Variants in LCT observed in about 807,000 individuals in gnomAD.
LCT encodes lactase, also known as lactase/phlorizin hydrolase.
LCT carries 90 observed loss-of-function variants against 173.0 expected under a neutral mutation model. The ratio of observed to expected loss-of-function variants is 0.52; its 90% CI spans 0.44 to 0.62. The LOEUF (loss-of-function observed/expected upper bound fraction) is 0.62. Ranked by LOEUF, LCT falls within the 20% of genes least tolerant of loss-of-function variation. The pLI, the probability that LCT is intolerant of heterozygous loss-of-function variation, is 0.00. For missense variants in LCT, 1,864 were observed against 2,431.4 expected, an observed-to-expected ratio of 0.77 and a Z score of 4.91; for synonymous variants, 853 against 957.6, an observed-to-expected ratio of 0.89 and a Z score of 2.02.
rs754021855 is a variant in LCT, at chr2:135,837,045, T to C, written c.125A>G (p.Asn42Ser). 3 of 1,614,094 alleles carry C rather than the reference T, an allele frequency of 1.9e-6. No individual in the cohort carries two copies. In the East Asian group the frequency reaches 6.7e-5, roughly 36 times the overall value. ...AGPLTNDLLH[N>S]LSGLLGDQSS... ...CTGGTCTCCCAGGAGACCACTCAGG[T>C]TGTGCAGCAAGTCATTGGTTAGAGG... is the stretch of plus-strand genomic sequence containing the variant. Residue 42 changes from asparagine (N) to serine (S), a missense_variant, in exon 1 of 17, where the codon AAC becomes AGC. This residue lies in a region of LCT where 412 missense variants were observed against 462.0 expected (regional missense o/e 0.89). Coordinates refer to ENST00000264162, the MANE Select transcript of LCT (RefSeq NM_002299.4).
chr2:135,795,106 T>C (rs2077572085), intron 13 of LCT, among the ~76,000 whole-genome samples: 2 of 152,154 alleles, frequency 1.3e-5, no homozygotes, highest in African/African-American at 2.4e-5. Context: ...AAACAACATA[T>C]GCAAATTCTG....
In LCT at chr2:135,834,787, CAAAAAAAAA is replaced by C. The variant is rs60298631; in HGVS notation, c.641-1606_641-1598del. On this transcript the variant is annotated intron_variant, in intron 1 of 16. Transcript: ENST00000264162. ...TGGACAAAAGAGTGAGACTCCATCT[CAAAAAAAAA>C]AAAAAAAAAAAAAAGAAGAAGAAAA... 2.0e-4 allele frequency among the ~76,000 whole-genome samples: 7 copies of C among 34,178 alleles called. No homozygotes were observed. In the South Asian group the frequency reaches 0.013, roughly 63 times the overall value. The allele number at this position is 34,178 out of a possible 152,430, so 22.4% of individuals were successfully genotyped here. A position where few individuals can be genotyped will look rare whatever the true frequency, so the allele number is the denominator to read the frequency against.
intron 2 of LCT, among the ~76,000 whole-genome samples, chr2:135,831,166 C>T (rs1290346575): frequency 6.6e-6 from 1 of 152,144 alleles, no homozygotes; most frequent in Non-Finnish European, 1.5e-5. Flanking sequence ...GCTAAGGGTC[C>T]GGGTGGGGAC....
At position 135,812,864 on chromosome 2, in the gene LCT, C is replaced by T. The variant is rs2077747023; in HGVS notation, c.1800G>A (p.Val600=). Reference sequence around the variant, plus strand: ...GGGGTTCTGCCCAGTCTGAGTTCAGCACAATGCCCACGTGCCCCTGCTGCT... The same window carrying T: ...GGGGTTCTGCCCAGTCTGAGTTCAGTACAATGCCCACGTGCCCCTGCTGCT... The part of the protein sequence containing the change: ...RPQQQGHVGI[V]LNSDWAEPLS... The change falls in exon 7 of 17, where the codon GTG becomes GTA. Residue 600 remains valine, a synonymous_variant. Coordinates refer to ENST00000264162, the MANE Select transcript of LCT (RefSeq NM_002299.4). 1 of 1,614,224 alleles carries T rather than the reference C, an allele frequency of 6.2e-7. No individual in the cohort carries two copies. The highest frequency in any genetic ancestry group is 2.2e-5 in the East Asian group (1 of 44,892).
chr2:135,809,602 A>G lies in LCT; in HGVS notation c.2745T>C (p.Ala915=), dbSNP rs2077715338. 1 of 1,614,210 alleles carries G rather than the reference A, an allele frequency of 6.2e-7. No homozygotes were observed. The highest frequency in any genetic ancestry group is 8.5e-7 in the Non-Finnish European group (1 of 1,180,052). ...CATCCCACGCGCCTTCAATCTGATA[A>G]GCGGAAGAGGACACGCCCCACAGAA... The part of the protein sequence containing the change: ...DDFLWGVSSS[A]YQIEGAWDAD... Residue 915 remains alanine, a synonymous_variant, in exon 8 of 17, where the codon GCT becomes GCC. Transcript: ENST00000264162. The surrounding 1 kb of genome is among the most constrained non-coding windows in gnomAD (Gnocchi z 5.5).
At position 135,789,815 on chromosome 2, in the gene LCT, G is replaced by A. The variant is rs778337148; in HGVS notation, c.5336-17C>T. On this transcript the variant is annotated splice_polypyrimidine_tract_variant and intron_variant, in intron 15 of 16. Transcript: ENST00000264162. Reference sequence around the variant, plus strand: ...CCTGCACAGCTGCTCAAACACAGAGGACTAGGCATAAGTTTCCTATCTCAT... The same window carrying A: ...CCTGCACAGCTGCTCAAACACAGAGAACTAGGCATAAGTTTCCTATCTCAT... 6.2e-7 allele frequency: 1 copy of A among 1,603,682 alleles called. No individual in the cohort carries two copies. The highest frequency in any genetic ancestry group is 8.5e-7 in the Non-Finnish European group (1 of 1,170,534).
chr2:135,799,479 CTT>C (rs745994855), intron 12 of LCT, among the ~76,000 whole-genome samples: 40 of 142,126 alleles, frequency 2.8e-4, no homozygotes, highest in Admixed American at 4.2e-4. Flanking sequence ...CACCTGCTTC[CTT>C]TTTTTTTTTT....
chr2:135,791,305 G>A (rs1349574844), intron 14 of LCT, among the ~76,000 whole-genome samples: 1 of 152,262 alleles, frequency 6.6e-6, no homozygotes, highest in Non-Finnish European at 1.5e-5. Flanking sequence ...AATGCCACTT[G>A]CAGACCACGG....
chr2:135,834,501 T>TATAATGA (rs1558747845), intron 1 of LCT, among the ~76,000 whole-genome samples: 2 of 146,726 alleles, frequency 1.4e-5, no homozygotes, highest in African/African-American at 5.0e-5. Context: ...TATTTTTTTG[T>TATAATGA]TTAAGGCCGG....
At chr2:135,835,887 G>C (rs538675260) in intron 1 of LCT, among the ~76,000 whole-genome samples, 8 of 150,130 alleles carry the variant, frequency 5.3e-5, no homozygotes, top group African/African-American at 2.0e-4. Context: ...AGTCAGGGTA[G>C]CAGGACATAG....
At chr2:135,822,219 C>T in intron 4 of LCT, 121 bp from the exon 5 acceptor site, 2 of 729,552 alleles carry the variant, frequency 2.7e-6, no homozygotes, top group South Asian at 1.5e-5. Flanking sequence ...GTTCCAAGCC[C>T]CTTTGGAAAA....
At chr2:135,805,199 G>T in intron 9 of LCT, 142 bp from the exon 10 acceptor site, 1 of 865,466 alleles carries the variant, frequency 1.2e-6, no homozygotes, top group Non-Finnish European at 1.9e-6. Context: ...TGGTCCATGT[G>T]TGGTGGCTCA....
rs1312581896 is a variant in LCT at position 135,812,502 on chromosome 2, G to C, written c.2162C>G (p.Ser721Ter). The change falls in exon 7 of 17, where the codon TCA becomes TGA. Residue 721 changes from serine to a stop codon, truncating the protein, a stop_gained. Transcript: ENST00000264162. LOFTEE classifies it high-confidence loss of function. ...QHVNHVWPQT[S>*]SSWIRVVPWG... ...GGGCACCACACGAATCCAAGAGGAT[G>C]AGGTCTGGGGCCACACATGGTTCAC... The C allele has an allele frequency of 1.2e-6, 2 of 1,614,112 alleles. No homozygotes were observed. The highest frequency in any genetic ancestry group is 2.2e-5 in the East Asian group (1 of 44,896).
In LCT at chr2:135,812,346, T is replaced by C; in HGVS notation, c.2318A>G (p.Asp773Gly). Residue 773 changes from aspartate to glycine, a missense_variant, in exon 7 of 17, where the codon GAC becomes GGC. By Grantham distance (94) the Asp-to-Gly change is moderately conservative. This residue lies in a region of LCT where 755 missense variants were observed against 926.3 expected (regional missense o/e 0.82). Coordinates refer to ENST00000264162, the MANE Select transcript of LCT (RefSeq NM_002299.4). ...ENLFDDSLRVDYFNQYINEVL... is the reference protein window; with the variant it reads ...ENLFDDSLRVGYFNQYINEVL... ...CTCATTGATATATTGATTGAAGTAG[T>C]CTACTCTTAAGGAATCATCAAAGAG... is the stretch of plus-strand genomic sequence containing the variant. 6.2e-7 allele frequency: 1 copy of C among 1,613,864 alleles called. No homozygotes were observed. Among genetic ancestry groups the C allele is most frequent in the Non-Finnish European group, 8.5e-7 (1 of 1,179,676 alleles).
At position 135,809,478 on chromosome 2, in the gene LCT, G is replaced by A; in HGVS notation, c.2869C>T (p.His957Tyr). 1 of 1,614,254 alleles carries A rather than the reference G, an allele frequency of 6.2e-7. No individual in the cohort carries two copies. Among genetic ancestry groups the A allele is most frequent in the Non-Finnish European group, 8.5e-7 (1 of 1,180,050 alleles). ...ATGDIACDSY[H>Y]QLDADLNMLR... ...ATATTCAGATCGGCATCCAGCTGGT[G>A]ATAGCTGTCACAGGCGATGTCTCCA... Residue 957 changes from histidine to tyrosine, a missense_variant, in exon 8 of 17, where the codon CAC becomes TAC. By Grantham distance (83) the His-to-Tyr change is moderately conservative. Coordinates refer to ENST00000264162, the MANE Select transcript of LCT (RefSeq NM_002299.4). The surrounding 1 kb of genome is among the most constrained non-coding windows in gnomAD (Gnocchi z 5.5).
intron 5 of LCT, among the ~76,000 whole-genome samples, chr2:135,820,883 AT>A (rs753664109): frequency 1.9e-3 from 281 of 144,872 alleles, no homozygotes; most frequent in Middle Eastern, 7.3e-3. Flanking sequence ...ACCTGCTCTA[AT>A]TTTTTTTTTT....
In LCT at chr2:135,808,504, C is replaced by A; in HGVS notation, c.3843G>T (p.Pro1281=). 2 of 1,614,174 alleles carry A rather than the reference C, an allele frequency of 1.2e-6. No homozygotes were observed. Among genetic ancestry groups the A allele is most frequent in the Non-Finnish European group, 1.7e-6 (2 of 1,180,038 alleles). The part of the protein sequence containing the change: ...ITENGVGLTN[P]NTEDTDRIFY... The stretch of plus-strand genomic sequence containing the variant: ...ATATCCTATCAGTATCCTCCGTGTT[C>A]GGATTGGTCAGCCCCACTCCGTTTT... The change falls in exon 8 of 17, where the codon CCG becomes CCT. Residue 1281 remains proline, a synonymous_variant. Transcript: ENST00000264162.
rs761795547 is a variant in LCT at position 135,812,454 on chromosome 2, T to G, written c.2210A>C (p.Gln737Pro). 1 of 1,614,222 alleles carries G rather than the reference T, an allele frequency of 6.2e-7. No homozygotes were observed. Among genetic ancestry groups the G allele is most frequent in the South Asian group, 1.1e-5 (1 of 91,080 alleles). ...VVPWGIRRLL[Q>P]FVSLEYTRGK... is the part of the protein sequence containing the mutation. ...TCTTGTGTATTCCAGGGATACAAAC[T>G]GCAACAGCCTCCTTATCCCCCAGGG... The change falls in exon 7 of 17, where the codon CAG becomes CCG. Residue 737 changes from glutamine (Q) to proline (P), a missense_variant. This residue lies in a region of LCT where 755 missense variants were observed against 926.3 expected (regional missense o/e 0.82). Transcript: ENST00000264162.
chr2:135,834,874 A>ATAAGCTGTTTTCAGCTGTCAAAT (rs2077973228), intron 1 of LCT, among the ~76,000 whole-genome samples: 1 of 151,984 alleles, frequency 6.6e-6, no homozygotes, highest in South Asian at 2.1e-4. Flanking sequence ...AGACATGAAA[A>ATAAGCTGTTTTCAGCTGTCAAAT]TAAGCTGTTT....
Sources: gnomAD v4.1 joint callset for allele counts (sites outside exome capture counted in the v4.1 genomes callset) on GRCh38, gnomAD v4.1.1 for gene constraint, gnomAD v4.1.1 regional missense constraint, Gnocchi (gnomAD v3.1) non-coding constraint, MANE v1.5 for transcripts, NCBI Gene and HGNC (gene_info 2026-07-23, HGNC 2026-07-21) for gene names.